Variants in DAB2 observed in about 807,000 individuals in gnomAD.
The protein encoded by DAB2 is disabled homolog 2.
In DAB2, 28 loss-of-function variants were observed where a neutral mutation model predicts 71.6. The ratio of observed to expected loss-of-function variants is 0.39; its 90% CI spans 0.29 to 0.54. The LOEUF (loss-of-function observed/expected upper bound fraction) is 0.54, where lower values mean the gene tolerates loss of function less well. DAB2 is among the 20% of genes least tolerant of loss of function. DAB2 has a pLI of 0.68. For missense variants in DAB2, 867 were observed against 928.8 expected (o/e 0.93, Z 0.86); for synonymous variants, 345 against 339.7 (o/e 1.02, Z -0.17).
chr5:39,376,777 C>T lies in DAB2; in HGVS notation c.2010G>A (p.Lys670=), dbSNP rs1468707205. The stretch of plus-strand genomic sequence containing the variant: ...AAGTCCCAGAAGAAGTCTGCTCTCC[C>T]TTCCGCGCGGGCACAGCAGGTGGCT... ...LRQPPAVPAR[K]GEQTSSGTLS... is the part of the protein sequence containing the mutation. Residue 670 remains lysine (K), a synonymous_variant, in exon 12 of 15, where the codon AAG becomes AAA. Coordinates refer to ENST00000320816, the MANE Select transcript of DAB2 (RefSeq NM_001343.4). 6.2e-7 allele frequency: 1 copy of T among 1,614,156 alleles called. No individual in the cohort carries two copies. Among genetic ancestry groups the T allele is most frequent in the Non-Finnish European group, 8.5e-7 (1 of 1,180,018 alleles).
At position 39,393,350 on chromosome 5, in the gene DAB2, G is replaced by T; in HGVS notation, c.135C>A (p.Gly45=). 2 of 1,613,766 alleles carry T rather than the reference G, an allele frequency of 1.2e-6. No individual in the cohort carries two copies. Among genetic ancestry groups the T allele is most frequent in the Non-Finnish European group, 1.7e-6 (2 of 1,179,904 alleles). The change falls in exon 3 of 15, where the codon GGC becomes GGA. Residue 45 remains glycine, a synonymous_variant. Transcript: ENST00000320816. ...GCTTGGCCTTATATTTTACACCATC[G>T]CCTTTGAACCTTGCTAAGAGATATT... ...TDEYLLARFK[G]DGVKYKAKLI...
intron 9 of DAB2, among the ~76,000 whole-genome samples, chr5:39,384,511 A>C (rs993420104): frequency 6.6e-6 from 1 of 152,218 alleles, no homozygotes; most frequent in Non-Finnish European, 1.5e-5. Context: ...AAGGGGGACT[A>C]TTGTACAAGG....
chr5:39,412,494 T>A (rs926190769), intron 1 of DAB2, among the ~76,000 whole-genome samples: 8 of 152,146 alleles, frequency 5.3e-5, no homozygotes, highest in Admixed American at 3.3e-4. Context: ...AAATAAAGAT[T>A]TGTTCCCTTA....
In DAB2 at chr5:39,372,468, T is replaced by A. The variant is rs915531988; in HGVS notation, c.*963A>T. On this transcript the variant is annotated 3_prime_UTR_variant, in exon 15 of 15. Transcript: ENST00000320816. ...CCTTTGTTGCTGAGTTGAGTTCAATTTCTCTTGAACATTAACTGCTCTTCT... is the reference window on the plus strand; with the variant it reads ...CCTTTGTTGCTGAGTTGAGTTCAATATCTCTTGAACATTAACTGCTCTTCT... 1 of 152,168 alleles carries A rather than the reference T, an allele frequency of 6.6e-6. No individual in the cohort carries two copies. Among genetic ancestry groups the A allele is most frequent in the African/African-American group, 2.4e-5 (1 of 41,440 alleles). The allele number at this position is 152,168 out of a possible 1,614,324, so 9.4% of individuals were successfully genotyped here. A position where few individuals can be genotyped will look rare whatever the true frequency, so the allele number is the denominator to read the frequency against.
At chr5:39,374,005 G>A (rs1754759248) in intron 14 of DAB2, among the ~76,000 whole-genome samples, 1 of 152,118 alleles carries the variant, frequency 6.6e-6, no homozygotes, top group South Asian at 2.1e-4. Context: ...AGCAGTTTAT[G>A]GAAAGGTACT....
At chr5:39,419,486 A>G (rs1053628196) in intron 1 of DAB2, among the ~76,000 whole-genome samples, 5 of 152,254 alleles carry the variant, frequency 3.3e-5, no homozygotes, top group Non-Finnish European at 7.3e-5. Context: ...CAAGTTACTT[A>G]AAGTGAAAGT....
intron 14 of DAB2, 121 bp from the exon 15 acceptor site, chr5:39,373,546 G>A (rs369881021): frequency 3.0e-4 from 46 of 152,134 alleles, no homozygotes; most frequent in African/African-American, 1.1e-3. Context: ...GCTGATGTGA[G>A]GATTGATGAA....
chr5:39,416,342 A>G (rs2112108940), intron 1 of DAB2, among the ~76,000 whole-genome samples: 1 of 152,236 alleles, frequency 6.6e-6, no homozygotes, highest in East Asian at 1.9e-4. Flanking sequence ...CTAAGGTGTA[A>G]GAGACTCTGG....
In DAB2 at chr5:39,376,090, A is replaced by T; in HGVS notation, c.2154T>A (p.Ala718=). Residue 718 remains alanine (A), a synonymous_variant, in exon 13 of 15, where the codon GCT becomes GCA. Coordinates refer to ENST00000320816, the MANE Select transcript of DAB2 (RefSeq NM_001343.4). ...LNKINEPPKP[A]PRQVSLPVTK... ...TAACTGGCAGGGAAACTTGTCTGGGAGCTGGCTTTGGTGGTTCTAGAAGGT... is the reference window on the plus strand; with the variant it reads ...TAACTGGCAGGGAAACTTGTCTGGGTGCTGGCTTTGGTGGTTCTAGAAGGT... 1 of 1,613,972 alleles carries T rather than the reference A, an allele frequency of 6.2e-7. No individual in the cohort carries two copies. Among genetic ancestry groups the T allele is most frequent in the East Asian group, 2.2e-5 (1 of 44,858 alleles).
At chr5:39,375,297 A>C (rs1182273477) in intron 13 of DAB2, among the ~76,000 whole-genome samples, 1 of 152,166 alleles carries the variant, frequency 6.6e-6, no homozygotes, top group Admixed American at 6.5e-5. Context: ...GATGCATTTC[A>C]TTTGCCTCCC....
intron 12 of DAB2, 100 bp from the exon 13 acceptor site, chr5:39,376,206 G>T: frequency 1.2e-6 from 1 of 861,108 alleles, no homozygotes; most frequent in Middle Eastern, 2.3e-4. Context: ...CTATACTTTT[G>T]AAATTTACAT....
intron 11 of DAB2, among the ~76,000 whole-genome samples, chr5:39,378,279 T>C (rs1429410261): frequency 6.6e-6 from 1 of 152,208 alleles, no homozygotes; most frequent in African/African-American, 2.4e-5. Context: ...GGGCACTGTC[T>C]TTCCTGCCTC....
rs1755146593 is a variant in DAB2 at position 39,388,387 on chromosome 5, T to A, written c.625-20A>T. On this transcript the variant is annotated intron_variant, in intron 8 of 14. Transcript: ENST00000320816. ...AACACCCTTAAAAAAGTATTTGGAT[T>A]AGATTCAGATGTGTCTACTAAAAAA... is the stretch of plus-strand genomic sequence containing the variant. The A allele has an allele frequency of 1.3e-6, 2 of 1,548,790 alleles. No homozygotes were observed. The highest frequency in any genetic ancestry group is 2.7e-5 in the African/African-American group (2 of 73,508).
At chr5:39,381,873 C>A (rs1014001381) in intron 10 of DAB2, among the ~76,000 whole-genome samples, 1 of 152,174 alleles carries the variant, frequency 6.6e-6, no homozygotes, top group African/African-American at 2.4e-5. Flanking sequence ...TACTATATTC[C>A]TTTACACACT....
In DAB2 at chr5:39,394,404, A is replaced by G; in HGVS notation, c.-84T>C. 9.8e-7 allele frequency: 1 copy of G among 1,025,356 alleles called. No homozygotes were observed. Among genetic ancestry groups the G allele is most frequent in the Non-Finnish European group, 1.5e-6 (1 of 646,462 alleles). The allele number at this position is 1,025,356 out of a possible 1,614,324, so 63.5% of individuals were successfully genotyped here. ...CCCGATGGAGAAGTCTCAAATAAACATAACCTCCCACAGACACCTGTAGGC... is the reference window on the plus strand; with the variant it reads ...CCCGATGGAGAAGTCTCAAATAAACGTAACCTCCCACAGACACCTGTAGGC... On this transcript the variant is annotated 5_prime_UTR_variant, in exon 2 of 15. An upstream start codon of the reference 5' UTR is lost. Coordinates refer to ENST00000320816, the MANE Select transcript of DAB2 (RefSeq NM_001343.4).
intron 9 of DAB2, among the ~76,000 whole-genome samples, chr5:39,384,208 G>A (rs933638668): frequency 6.6e-6 from 1 of 152,080 alleles, no homozygotes; most frequent in African/African-American, 2.4e-5. Flanking sequence ...TTATCCTCAG[G>A]GAATATGTTC....
chr5:39,409,325 C>A (rs1755671441), intron 1 of DAB2, among the ~76,000 whole-genome samples: 1 of 151,982 alleles, frequency 6.6e-6, no homozygotes, highest in Non-Finnish European at 1.5e-5. Flanking sequence ...GTAAAAATTC[C>A]AAATGACAGT....
intron 2 of DAB2, 139 bp from the exon 3 acceptor site, chr5:39,393,532 T>C: frequency 2.3e-6 from 2 of 882,874 alleles, no homozygotes; most frequent in East Asian, 2.6e-5. Flanking sequence ...TGTCCTGTCT[T>C]ATTCTTACTT....
chr5:39,406,027 T>C (rs1451404660), intron 1 of DAB2, among the ~76,000 whole-genome samples: 1 of 152,168 alleles, frequency 6.6e-6, no homozygotes, highest in Non-Finnish European at 1.5e-5. Flanking sequence ...GGCTACTCTT[T>C]CCCATATACT....
Sources: allele counts gnomAD v4.1 joint callset (sites outside exome capture counted in the v4.1 genomes callset), GRCh38; gene constraint gnomAD v4.1.1; transcripts MANE v1.5; gene names NCBI Gene and HGNC (gene_info 2026-07-23, HGNC 2026-07-21).